NRG1: variants seen among roughly 807,000 people sequenced by gnomAD.
NRG1 encodes neuregulin 1.
In NRG1, 18 loss-of-function variants were observed where a neutral mutation model predicts 63.8. The ratio of observed to expected loss-of-function variants is 0.28; its 90% CI spans 0.19 to 0.42. The LOEUF (loss-of-function observed/expected upper bound fraction) is 0.42. Ranked by LOEUF, NRG1 falls within the 10% of genes least tolerant of loss-of-function variation. The probability of loss-of-function intolerance (pLI) is 1.00; values close to 1 mark genes in which losing one functional copy is unlikely to be tolerated. For synonymous variants in NRG1, 302 were observed against 301.3 expected, an observed-to-expected ratio of 1.00 and a Z score of -0.02; for missense variants, 762 against 814.7, an observed-to-expected ratio of 0.94 and a Z score of 0.79.
chr8:31,923,183 A>C (rs1053455251), intron 1 of NRG1, among the ~76,000 whole-genome samples: 11 of 152,160 alleles, frequency 7.2e-5, no homozygotes, highest in African/African-American at 2.7e-4. Context: ...TCTATTTTTT[A>C]ATTGGCAAAT....
At chr8:31,682,281 C>T (rs1378330036) in intron 1 of NRG1, among the ~76,000 whole-genome samples, 1 of 152,040 alleles carries the variant, frequency 6.6e-6, no homozygotes, top group African/African-American at 2.4e-5. Context: ...GAATTCCCAT[C>T]AGCAATGAAT....
rs558153170 is a variant in NRG1 at position 31,644,810 on chromosome 8, T to C, written c.37+5379T>C. On this transcript the variant is annotated intron_variant, in intron 1 of 10. Coordinates refer to the NRG1 transcript ENST00000519301. Reference sequence around the variant, plus strand: ...AACTGCTTAGATATCCAAAGATCTCTAAATCCTCATAGCAATACTTAGCCT... The same window carrying C: ...AACTGCTTAGATATCCAAAGATCTCCAAATCCTCATAGCAATACTTAGCCT... Among the ~76,000 whole-genome samples the C allele has an allele frequency of 7.3e-5, 11 of 151,330 alleles. No individual in the cohort carries two copies. The South Asian group carries it at 2.1e-3, about 28-fold the overall frequency.
intron 1 of NRG1, among the ~76,000 whole-genome samples, chr8:31,970,373 C>T (rs1807078139): frequency 6.6e-6 from 1 of 152,128 alleles, no homozygotes; most frequent in African/African-American, 2.4e-5. Flanking sequence ...CATTGCTACC[C>T]TCTCCTTCTC....
chr8:31,693,966 T>G (rs1042646486), intron 1 of NRG1, among the ~76,000 whole-genome samples: 1 of 152,100 alleles, frequency 6.6e-6, no homozygotes, highest in Non-Finnish European at 1.5e-5. Flanking sequence ...GACTCTCGAG[T>G]AGGTGGGACT....
intron 1 of NRG1, among the ~76,000 whole-genome samples, chr8:32,426,448 A>G (rs1356649566): frequency 3.3e-5 from 5 of 152,242 alleles, no homozygotes; most frequent in South Asian, 2.1e-4. Flanking sequence ...TTCATAAACA[A>G]TTCCTTGTGT....
At chr8:31,816,758 A>G (rs1046898955) in intron 1 of NRG1, among the ~76,000 whole-genome samples, 3 of 152,120 alleles carry the variant, frequency 2.0e-5, no homozygotes, top group Non-Finnish European at 2.9e-5. Flanking sequence ...GTACTATTCT[A>G]CTGGGATATC....
chr8:32,599,198 T>C (rs1036885210), intron 2 of NRG1, among the ~76,000 whole-genome samples: 1 of 152,142 alleles, frequency 6.6e-6, no homozygotes, highest in Non-Finnish European at 1.5e-5. Flanking sequence ...ATTACTAAGA[T>C]ATTCAGACTA....
chr8:32,012,708 C>T (rs1160735086), intron 1 of NRG1, among the ~76,000 whole-genome samples: 1 of 152,030 alleles, frequency 6.6e-6, no homozygotes, highest in African/African-American at 2.4e-5. Flanking sequence ...AAAAAAGAAC[C>T]ATACTTCAGA....
chr8:32,384,877 A>G (rs1477751213), intron 1 of NRG1, among the ~76,000 whole-genome samples: 1 of 152,242 alleles, frequency 6.6e-6, no homozygotes. Flanking sequence ...ACTGTCAGTT[A>G]CAGTAGATAA....
chr8:31,877,771 A>C (rs972142820), intron 1 of NRG1, among the ~76,000 whole-genome samples: 2 of 152,074 alleles, frequency 1.3e-5, no homozygotes, highest in Admixed American at 1.3e-4. Flanking sequence ...TTATCATCTC[A>C]ATGACTAGTA....
chr8:32,481,904 T>A (rs541943067), intron 1 of NRG1, among the ~76,000 whole-genome samples: 2 of 152,272 alleles, frequency 1.3e-5, no homozygotes, highest in African/African-American at 4.8e-5. Flanking sequence ...GCCCAGCTTG[T>A]TGGGGGGTTA....
intron 1 of NRG1, chr8:32,287,599 A>T (rs1853683311): frequency 6.6e-6 from 1 of 152,218 alleles, no homozygotes; most frequent in Non-Finnish European, 1.5e-5. Context: ...CCAAGCCTGG[A>T]ATTACAGCAC....
chr8:31,753,364 A>G (rs1342395528), intron 1 of NRG1, among the ~76,000 whole-genome samples: 2 of 92,022 alleles, frequency 2.2e-5, no homozygotes, highest in Non-Finnish European at 5.2e-5. Context: ...ATGAGAAACT[A>G]CAACAATTAT....
chr8:32,645,830 C>A (rs1416648611), intron 5 of NRG1, among the ~76,000 whole-genome samples: 1 of 152,094 alleles, frequency 6.6e-6, no homozygotes, highest in Non-Finnish European at 1.5e-5. Flanking sequence ...CTTGGGGAAG[C>A]CTGTGGTCTG....
At position 31,779,060 on chromosome 8, in the gene NRG1, T is replaced by C. The variant is rs1388812421; in HGVS notation, c.37+139629T>C. Among the ~76,000 whole-genome samples, 3 of 152,218 alleles carry C rather than the reference T, an allele frequency of 2.0e-5. No homozygotes were observed. In the East Asian group the frequency reaches 5.8e-4, roughly 29 times the overall value. On this transcript the variant is annotated intron_variant, in intron 1 of 10. Coordinates refer to the NRG1 transcript ENST00000519301. Reference sequence around the variant, plus strand: ...AAAAATGAGAGCTGTTTCTTGTTGGTACTCTTCAGGGACATTTTAGCATAG... The same window carrying C: ...AAAAATGAGAGCTGTTTCTTGTTGGCACTCTTCAGGGACATTTTAGCATAG...
In NRG1 at chr8:31,837,535, G is replaced by T. The variant is rs997626888; in HGVS notation, c.37+198104G>T. On this transcript the variant is annotated intron_variant, in intron 1 of 10. Transcript: ENST00000519301. ...AGAACATCCAAAATTCTCTCTTCTG[G>T]CTGCTTGTTGGCAGTAGTCACCTTA... Among the ~76,000 whole-genome samples, 4 of 151,748 alleles carry T rather than the reference G, an allele frequency of 2.6e-5. 1 individual carries two copies. Among genetic ancestry groups the T allele is most frequent in the Admixed American group, 2.6e-4 (4 of 15,226 alleles).
intron 1 of NRG1, among the ~76,000 whole-genome samples, chr8:31,641,560 T>G (rs912869382): frequency 1.3e-5 from 2 of 152,212 alleles, no homozygotes; most frequent in African/African-American, 2.4e-5. Flanking sequence ...ATGATCAGGT[T>G]TGAGAAATTA....
intron 1 of NRG1, among the ~76,000 whole-genome samples, chr8:32,169,537 G>A (rs1317784051): frequency 5.3e-5 from 8 of 152,326 alleles, no homozygotes; most frequent in Non-Finnish European, 1.2e-4. Flanking sequence ...AGTGATTAGT[G>A]TAAATTAAGT....
At chr8:32,609,050 C>T (rs966358942) in intron 3 of NRG1, among the ~76,000 whole-genome samples, 1 of 152,152 alleles carries the variant, frequency 6.6e-6, no homozygotes, top group Non-Finnish European at 1.5e-5. Flanking sequence ...GAGGGTGGAG[C>T]CGGAAACATA....
Sources: gnomAD v4.1 joint callset for allele counts (sites outside exome capture counted in the v4.1 genomes callset) on GRCh38, gnomAD v4.1.1 for gene constraint, MANE v1.5 for transcripts, NCBI Gene and HGNC (gene_info 2026-07-23, HGNC 2026-07-21) for gene names.